Variants in SLIT2 observed in about 807,000 individuals in gnomAD.
SLIT2 encodes the protein slit homolog 2 protein.
In SLIT2, 41 loss-of-function variants were observed where a neutral mutation model predicts 185.7. The ratio of observed to expected loss-of-function variants is 0.22; its 90% CI spans 0.17 to 0.29. The LOEUF is 0.29. Ranked by LOEUF, SLIT2 falls within the 10% of genes least tolerant of loss-of-function variation. SLIT2 has a pLI of 1.00. For synonymous variants in SLIT2, 693 were observed against 680.2 expected (o/e 1.02, Z -0.29); for missense variants, 1,571 against 1,909.0 (o/e 0.82, Z 3.30).
chr4:20,422,486 C>CA (rs1227680259), intron 4 of SLIT2, among the ~76,000 whole-genome samples: 1 of 151,950 alleles, frequency 6.6e-6, no homozygotes, highest in Non-Finnish European at 1.5e-5. Context: ...TTTGATTGAC[C>CA]AAAAAAAGCT....
intron 11 of SLIT2, among the ~76,000 whole-genome samples, chr4:20,515,352 A>G (rs1000689892): frequency 1.1e-4 from 17 of 152,200 alleles, no homozygotes; most frequent in African/African-American, 3.9e-4. Context: ...TCTTTATGCC[A>G]AAGGTCCTCA....
rs116143077 is a variant in SLIT2, at chr4:20,344,208, G to A, written c.395+75327G>A. 5.7e-3 allele frequency among the ~76,000 whole-genome samples: 871 copies of A among 152,242 alleles called. 1 individual carries two copies. Among genetic ancestry groups the A allele is most frequent in the Non-Finnish European group, 0.01 (682 of 68,018 alleles). ...AGGGAAATGTGGTGTTTTTGCTACC[G>A]TGGCTTACAATCCAGGAGAGTAGAC... On this transcript the variant is annotated intron_variant, in intron 4 of 36. Transcript: ENST00000504154.
chr4:20,567,125 G>C, intron 26 of SLIT2, 137 bp from the exon 27 acceptor site: 1 of 790,770 alleles, frequency 1.3e-6, no homozygotes. Flanking sequence ...TTTCTGGCTT[G>C]TCATGGATGA....
Position 20,519,454 on chromosome 4 carries a change from GT to G in SLIT2, c.1130+2del. The G allele has an allele frequency of 1.3e-6, 2 of 1,545,534 alleles. No individual in the cohort carries two copies. The highest frequency in any genetic ancestry group is 1.8e-6 in the Non-Finnish European group (2 of 1,119,316). ...AAGGACTGTTTTCCTTACAGCTCCTGTAAGTATTTGATTGTTTTGGATCTCT... is the reference window on the plus strand; with the variant it reads ...AAGGACTGTTTTCCTTACAGCTCCTGAAGTATTTGATTGTTTTGGATCTCT... On this transcript the variant is annotated splice_donor_variant, in intron 12 of 36. Coordinates refer to ENST00000504154, the MANE Select transcript of SLIT2 (RefSeq NM_004787.4). LOFTEE classifies it high-confidence loss of function.
Position 20,283,120 on chromosome 4 carries a change from G to GCGCGCGCA in SLIT2, c.395+14240_395+14241insGCGCGCAC, listed in dbSNP as rs143964894. Among the ~76,000 whole-genome samples the GCGCGCGCA allele has an allele frequency of 2.3e-3, 341 of 149,956 alleles. 4 individuals are homozygous for GCGCGCGCA. The East Asian group carries it at 0.039, about 17-fold the overall frequency. ...TGCCTGTGTGCCTGTGTGCGCGCGC[G>GCGCGCGCA]CACACACACACACACACACACACAA... is the stretch of plus-strand genomic sequence containing the variant. On this transcript the variant is annotated intron_variant, in intron 4 of 36. Transcript: ENST00000504154.
intron 5 of SLIT2, among the ~76,000 whole-genome samples, chr4:20,472,564 C>CTATATAGA (rs1560455192): frequency 0.028 from 130 of 4,660 alleles, 41 homozygotes; most frequent in African/African-American, 0.12. Context: ...AGATATATAT[C>CTATATAGA]TATATATAGA....
intron 4 of SLIT2, chr4:20,393,225 A>G (rs1355477688): frequency 1.3e-5 from 2 of 152,084 alleles, no homozygotes; most frequent in Non-Finnish European, 2.9e-5. Context: ...TGATAATTAA[A>G]GATACATATG....
intron 11 of SLIT2, among the ~76,000 whole-genome samples, chr4:20,511,438 T>G (rs1719703257): frequency 6.8e-6 from 1 of 146,800 alleles, no homozygotes; most frequent in Admixed American, 6.8e-5. Flanking sequence ...TTTTTTTTTT[T>G]TGAGACGGAG....
chr4:20,356,769 G>T (rs1722358318), intron 4 of SLIT2, among the ~76,000 whole-genome samples: 1 of 152,086 alleles, frequency 6.6e-6, no homozygotes, highest in Non-Finnish European at 1.5e-5. Flanking sequence ...GCTCAACTGT[G>T]CAAGGTTGCC....
At chr4:20,604,109 G>A (rs1466325079) in intron 33 of SLIT2, among the ~76,000 whole-genome samples, 3 of 152,122 alleles carry the variant, frequency 2.0e-5, no homozygotes, top group Non-Finnish European at 2.9e-5. Flanking sequence ...TCACGATATT[G>A]AGTAATGCTG....
At chr4:20,334,947 T>C (rs1290142490) in intron 4 of SLIT2, among the ~76,000 whole-genome samples, 1 of 152,158 alleles carries the variant, frequency 6.6e-6, no homozygotes, top group Non-Finnish European at 1.5e-5. Flanking sequence ...ATAAATATGT[T>C]TCAGGGATCG....
intron 4 of SLIT2, among the ~76,000 whole-genome samples, chr4:20,457,953 A>C (rs1300682605): frequency 6.6e-6 from 1 of 152,160 alleles, no homozygotes; most frequent in Non-Finnish European, 1.5e-5. Context: ...CTAGTTAGAG[A>C]AAATGAAACA....
At chr4:20,325,725 A>G (rs2109181894) in intron 4 of SLIT2, among the ~76,000 whole-genome samples, 1 of 152,270 alleles carries the variant, frequency 6.6e-6, no homozygotes, top group South Asian at 2.1e-4. Flanking sequence ...TTTTTGCTAG[A>G]AAGGACACCA....
Position 20,442,315 on chromosome 4 carries a change from C to G in SLIT2, c.396-25437C>G, listed in dbSNP as rs538722889. On this transcript the variant is annotated intron_variant, in intron 4 of 36. Coordinates refer to ENST00000504154, the MANE Select transcript of SLIT2 (RefSeq NM_004787.4). ...CGGGCGGATCATGAGGTCAGGAGATCGAGACCATCCTGGCTAACATGGTGA... is the reference window on the plus strand; with the variant it reads ...CGGGCGGATCATGAGGTCAGGAGATGGAGACCATCCTGGCTAACATGGTGA... Among the ~76,000 whole-genome samples, 13 of 152,054 alleles carry G rather than the reference C, an allele frequency of 8.5e-5. No individual in the cohort carries two copies. In the East Asian group the frequency reaches 1.7e-3, roughly 20 times the overall value.
rs7680401 is a variant in SLIT2 at position 20,454,806 on chromosome 4, T to C, written c.396-12946T>C. ...TCATTGCACTCTAAGGTTAATGGGA[T>C]ACTCAACTGGAAACCATACGTCGTG... is the stretch of plus-strand genomic sequence containing the variant. On this transcript the variant is annotated intron_variant, in intron 4 of 36. Transcript: ENST00000504154. 7.7e-3 allele frequency among the ~76,000 whole-genome samples: 1,178 copies of C among 152,282 alleles called. 6 individuals carry two copies. The highest frequency in any genetic ancestry group is 0.027 in the African/African-American group (1,102 of 41,568).
chr4:20,368,097 C>T (rs1723259245), intron 4 of SLIT2, among the ~76,000 whole-genome samples: 1 of 151,616 alleles, frequency 6.6e-6, no homozygotes, highest in Non-Finnish European at 1.5e-5. Context: ...GCTTTATGTT[C>T]TGTAAACATG....
chr4:20,274,972 G>A (rs566307478), intron 4 of SLIT2, among the ~76,000 whole-genome samples: 1 of 152,162 alleles, frequency 6.6e-6, no homozygotes, highest in African/African-American at 2.4e-5. Flanking sequence ...TTAATGCCTA[G>A]AGAGTTCATT....
At chr4:20,334,956 C>T (rs1003956583) in intron 4 of SLIT2, among the ~76,000 whole-genome samples, 3 of 152,072 alleles carry the variant, frequency 2.0e-5, no homozygotes, top group Non-Finnish European at 4.4e-5. Context: ...TTTCAGGGAT[C>T]GAATAAATAA....
chr4:20,301,221 T>C (rs1426956842), intron 4 of SLIT2, among the ~76,000 whole-genome samples: 5 of 152,150 alleles, frequency 3.3e-5, no homozygotes, highest in Admixed American at 1.3e-4. Flanking sequence ...TTATGAACAA[T>C]GATAACACTA....
Sources: allele counts gnomAD v4.1 joint callset (sites outside exome capture counted in the v4.1 genomes callset), GRCh38; gene constraint gnomAD v4.1.1; transcripts MANE v1.5; gene names NCBI Gene and HGNC (gene_info 2026-07-23, HGNC 2026-07-21).